TLR6: variants seen among roughly 807,000 people sequenced by gnomAD.
TLR6 encodes toll like receptor 6.
Under a neutral mutation model 16.1 loss-of-function variants are expected in TLR6, and 9 were observed. The ratio of observed to expected loss-of-function variants is 0.56; its 90% confidence interval spans 0.34 to 0.98. The LOEUF is 0.98. TLR6 is among the 50% of genes least tolerant of loss of function. The probability of loss-of-function intolerance (pLI) is 0.02; values close to 1 mark genes in which losing one functional copy is unlikely to be tolerated. For missense variants in TLR6, 786 were observed against 921.0 expected, an observed-to-expected ratio of 0.85 and a Z score of 1.90; for synonymous variants, 340 against 338.6, an observed-to-expected ratio of 1.00 and a Z score of -0.04.
intron 1 of TLR6, among the ~76,000 whole-genome samples, chr4:38,846,007 A>C (rs1488371804): frequency 1.3e-5 from 2 of 150,822 alleles, no homozygotes; most frequent in African/African-American, 4.9e-5. Context: ...CAGGAGAATC[A>C]CTTGAACCCG....
exon 2 of TLR6, chr4:38,826,927 G>T: frequency 3.1e-6 from 2 of 639,606 alleles, no homozygotes; most frequent in East Asian, 5.6e-5. Flanking sequence ...TAACCTCACC[G>T]CCTAGCTCAG....
chr4:38,840,858 C>T (rs1429422605), intron 1 of TLR6, among the ~76,000 whole-genome samples: 3 of 152,086 alleles, frequency 2.0e-5, no homozygotes. Context: ...AGCAGTGCCA[C>T]ATCGAAAATA....
chr4:38,849,345 T>C (rs1320957270), intron 1 of TLR6, among the ~76,000 whole-genome samples: 2 of 152,208 alleles, frequency 1.3e-5, no homozygotes, highest in African/African-American at 4.8e-5. Flanking sequence ...TAAAGACCAT[T>C]GATGCTAGGA....
chr4:38,841,911 T>C (rs1476880472), intron 1 of TLR6, among the ~76,000 whole-genome samples: 2 of 152,246 alleles, frequency 1.3e-5, no homozygotes, highest in African/African-American at 2.4e-5. Context: ...AAGTGATTTA[T>C]AAAATATTGT....
intron 1 of TLR6, among the ~76,000 whole-genome samples, chr4:38,851,416 G>T (rs1208985914): frequency 1.3e-5 from 2 of 152,120 alleles, no homozygotes; most frequent in African/African-American, 2.4e-5. Flanking sequence ...GAAATAAAGG[G>T]TATTCAATTA....
the TLR6 span, chr4:38,867,582 G>C: frequency 6.6e-6 from 1 of 152,120 alleles, no homozygotes; most frequent in Non-Finnish European, 1.5e-5. Context: ...TGGAGAGGCG[G>C]CGCGCTCTGG....
chr4:38,858,897 A>AAGAG (rs1275386905), upstream of TLR6, among the ~76,000 whole-genome samples: 2 of 149,164 alleles, frequency 1.3e-5, no homozygotes, highest in South Asian at 4.3e-4. Context: ...GAGAGAAAGA[A>AAGAG]AGAAAGAAAA....
chr4:38,838,967 G>GGAAGGA (rs1553857885), intron 1 of TLR6, among the ~76,000 whole-genome samples: 1 of 129,244 alleles, frequency 7.7e-6, no homozygotes, highest in African/African-American at 3.4e-5. Context: ...GAAGGAAGGG[G>GGAAGGA]AGGAAGGAAA....
chr4:38,868,104 C>A, the TLR6 span: 1 of 310,566 alleles, frequency 3.2e-6, no homozygotes. Context: ...CGCTCATGCA[C>A]ACACCCACAC....
At chr4:38,831,002 A>G (rs1711545470) in intron 1 of TLR6, among the ~76,000 whole-genome samples, 1 of 150,162 alleles carries the variant, frequency 6.7e-6, no homozygotes. Flanking sequence ...CCATGCAAAG[A>G]AACAGAAAGT....
At chr4:38,862,590 A>ATTTTTT in the TLR6 span, among the ~76,000 whole-genome samples, 9 of 73,714 alleles carry the variant, frequency 1.2e-4, no homozygotes, top group Non-Finnish European at 1.7e-4. Context: ...CCCAATCACC[A>ATTTTTT]TTTTTTTTTT....
chr4:38,858,908 G>GA (rs1713132727), upstream of TLR6, among the ~76,000 whole-genome samples: 11 of 147,024 alleles, frequency 7.5e-5, no homozygotes, highest in South Asian at 1.1e-3. Context: ...AGAAAGAAAA[G>GA]AAAGAAAGAA....
upstream of TLR6, among the ~76,000 whole-genome samples, chr4:38,860,535 TAA>T (rs61334345): frequency 1.3e-4 from 18 of 133,462 alleles, no homozygotes; most frequent in Admixed American, 7.6e-5. Context: ...TCTGCTGAAT[TAA>T]AAAAAAAAAA....
chr4:38,845,430 G>A (rs1712480981), intron 1 of TLR6, among the ~76,000 whole-genome samples: 1 of 152,242 alleles, frequency 6.6e-6, no homozygotes, highest in Non-Finnish European at 1.5e-5. Flanking sequence ...TCTTAAAATA[G>A]GAAGATTATC....
At chr4:38,855,418 T>A (rs2087464) in intron 1 of TLR6, among the ~76,000 whole-genome samples, 36,885 of 152,082 alleles carry the variant, frequency 0.24, 5,009 homozygotes, top group Non-Finnish European at 0.28. Flanking sequence ...TGTCTCATTT[T>A]GAATGTCCTT....
At chr4:38,833,132 A>G (rs1389584335) in intron 1 of TLR6, among the ~76,000 whole-genome samples, 2 of 152,096 alleles carry the variant, frequency 1.3e-5, no homozygotes, top group Non-Finnish European at 2.9e-5. Context: ...GGGTTGGTCC[A>G]CTTTTCCTAC....
At chr4:38,833,429 C>G (rs1269310444) in intron 1 of TLR6, among the ~76,000 whole-genome samples, 1 of 152,172 alleles carries the variant, frequency 6.6e-6, no homozygotes, top group African/African-American at 2.4e-5. Flanking sequence ...AACCCAAATG[C>G]CACTGACACT....
intron 1 of TLR6, among the ~76,000 whole-genome samples, chr4:38,834,980 T>A (rs1490595185): frequency 6.6e-6 from 1 of 151,726 alleles, no homozygotes; most frequent in Non-Finnish European, 1.5e-5. Context: ...AATACATAAA[T>A]GAAAGAGAAA....
the TLR6 span, among the ~76,000 whole-genome samples, chr4:38,862,561 G>A: frequency 3.9e-3 from 565 of 145,222 alleles, no homozygotes; most frequent in South Asian, 5.9e-3. Flanking sequence ...GATTACAGGC[G>A]TGTGCCACCA....
Sources: gnomAD v4.1 joint callset for allele counts (sites outside exome capture counted in the v4.1 genomes callset) on GRCh38, gnomAD v4.1.1 for gene constraint, MANE v1.5 for transcripts, NCBI Gene and HGNC (gene_info 2026-07-23, HGNC 2026-07-21) for gene names.